LOXHD1: variants seen among roughly 807,000 people sequenced by gnomAD.
The protein encoded by LOXHD1 is lipoxygenase homology domain-containing protein 1.
A neutral mutation model predicts 248.2 loss-of-function variants in LOXHD1; 205 were observed. That is an observed-to-expected ratio of 0.83 (90% CI 0.74 to 0.93). LOXHD1 has a LOEUF of 0.93. LOXHD1 is among the 40% of genes least tolerant of loss of function. The probability of loss-of-function intolerance (pLI) is 0.00; values close to 1 mark genes in which losing one functional copy is unlikely to be tolerated. For synonymous variants in LOXHD1, 1,113 were observed against 1,162.8 expected (o/e 0.96, Z 0.87); for missense variants, 2,930 against 2,971.6 (o/e 0.99, Z 0.33).
intron 14 of LOXHD1, among the ~76,000 whole-genome samples, chr18:46,574,641 C>T (rs1055117972): frequency 6.6e-6 from 1 of 151,026 alleles, no homozygotes; most frequent in Non-Finnish European, 1.5e-5. Flanking sequence ...AAAATGCATG[C>T]ACTGTTAAGT....
intron 12 of LOXHD1, among the ~76,000 whole-genome samples, chr18:46,582,572 A>C (rs181775946): frequency 7.6e-4 from 116 of 152,368 alleles, no homozygotes; most frequent in Non-Finnish European, 1.2e-3. Flanking sequence ...GCAAAATGGC[A>C]AATGTCAATC....
In LOXHD1 at chr18:46,542,015, C is replaced by T. The variant is rs2036583290; in HGVS notation, c.3749-75G>A. On this transcript the variant is annotated intron_variant, in intron 24 of 40. Transcript: ENST00000642948. ...TTTCCTGTGGGTAACTTCAGGGACTCCTGACTTCCTTCCTTAGGTGGCTGG... is the reference window on the plus strand; with the variant it reads ...TTTCCTGTGGGTAACTTCAGGGACTTCTGACTTCCTTCCTTAGGTGGCTGG... 5 of 1,385,414 alleles carry T rather than the reference C, an allele frequency of 3.6e-6. No individual in the cohort carries two copies. The Admixed American group carries it at 1.0e-4, about 28-fold the overall frequency. 85.8% of individuals were successfully genotyped at this position (1,385,414 alleles called of 1,614,324 possible).
At chr18:46,506,539 T>G (rs1450429) in intron 36 of LOXHD1, among the ~76,000 whole-genome samples, 53,868 of 152,176 alleles carry the variant, frequency 0.35, 10,873 homozygotes, top group East Asian at 0.61. Flanking sequence ...GTGAAGCTTT[T>G]CTGACACACA....
At position 46,477,774 on chromosome 18, in the gene LOXHD1, C is replaced by T. The variant is rs775756430; in HGVS notation, c.6520G>A (p.Val2174Ile). 23 of 1,551,778 alleles carry T rather than the reference C, an allele frequency of 1.5e-5. No homozygotes were observed. The highest frequency in any genetic ancestry group is 4.1e-5 in the African/African-American group (3 of 73,068). Residue 2174 changes from valine (V) to isoleucine (I), a missense_variant, in exon 41 of 41, where the codon GTC (valine) becomes ATC (isoleucine). Coordinates refer to ENST00000642948, the MANE Select transcript of LOXHD1 (RefSeq NM_001384474.1). ...TTGGCCCCAAAGATGGTCACGAAGACGTTGGCATCAGTGCCTGCCCCTGGC... is the reference window on the plus strand; with the variant it reads ...TTGGCCCCAAAGATGGTCACGAAGATGTTGGCATCAGTGCCTGCCCCTGGC... ...YEPGAGTDAN[V>I]FVTIFGANGD...
At chr18:46,534,545 A>G in intron 26 of LOXHD1, 94 bp from the exon 27 acceptor site, 2 of 918,662 alleles carry the variant, frequency 2.2e-6, no homozygotes, top group South Asian at 2.8e-5. Context: ...ATCCACCCTG[A>G]GTCCCTTTGC....
At chr18:46,603,995 G>T in intron 7 of LOXHD1, 111 bp downstream of exon 7, 1 of 1,413,548 alleles carries the variant, frequency 7.1e-7, no homozygotes, top group Non-Finnish European at 9.6e-7. Flanking sequence ...GCTGTCTGCA[G>T]ACCCAGCTGG....
intron 28 of LOXHD1, among the ~76,000 whole-genome samples, chr18:46,532,090 C>T (rs1264936627): frequency 1.3e-5 from 2 of 152,142 alleles, no homozygotes; most frequent in Non-Finnish European, 2.9e-5. Context: ...CCATAAGGGG[C>T]CCAGAATTTT....
chr18:46,568,646 C>T (rs1379173122), intron 16 of LOXHD1, among the ~76,000 whole-genome samples: 2 of 152,138 alleles, frequency 1.3e-5, no homozygotes, highest in African/African-American at 4.8e-5. Flanking sequence ...CAGATGGGTT[C>T]CACAACCCAC....
chr18:46,634,656 A>G (rs1417706011), intron 4 of LOXHD1, among the ~76,000 whole-genome samples: 1 of 150,662 alleles, frequency 6.6e-6, no homozygotes, highest in Non-Finnish European at 1.5e-5. Flanking sequence ...AAATCTGGAG[A>G]AAAAAAAAAT....
intron 4 of LOXHD1, among the ~76,000 whole-genome samples, chr18:46,637,822 C>T (rs2038912314): frequency 6.6e-6 from 1 of 152,120 alleles, no homozygotes. Context: ...AAAGATACAC[C>T]CTATCTAGAG....
intron 15 of LOXHD1, 146 bp downstream of exon 15, chr18:46,571,940 C>A: frequency 1.5e-6 from 1 of 689,298 alleles, no homozygotes. Flanking sequence ...ACTCTCCAGA[C>A]ACTCCCTCGG....
chr18:46,489,234 C>T (rs1046691364), intron 37 of LOXHD1, 92 bp from the exon 38 acceptor site: 5 of 1,354,664 alleles, frequency 3.7e-6, no homozygotes, highest in South Asian at 1.3e-5. Flanking sequence ...GGCTGTGTGG[C>T]CCTGGACAAG....
At position 46,568,354 on chromosome 18, in the gene LOXHD1, G is replaced by A. The variant is rs112141524; in HGVS notation, c.2244+1088C>T. Among the ~76,000 whole-genome samples the A allele has an allele frequency of 1.5e-3, 228 of 152,294 alleles. 1 individual carries two copies. Among genetic ancestry groups the A allele is most frequent in the African/African-American group, 5.1e-3 (212 of 41,562 alleles). On this transcript the variant is annotated intron_variant, in intron 16 of 40. Transcript: ENST00000642948. ...CTGTGTTTCTCCAGGTGATGTCAAG[G>A]AAGATTCTCACCTTGGCCAAACTCT...
intron 13 of LOXHD1, 59 bp downstream of exon 13, chr18:46,579,571 G>T: frequency 6.5e-7 from 1 of 1,548,356 alleles, no homozygotes; most frequent in South Asian, 1.2e-5. Context: ...GGAAGACGAG[G>T]GAACATGGGA....
At chr18:46,575,385 A>G (rs542477455) in intron 14 of LOXHD1, among the ~76,000 whole-genome samples, 1 of 151,400 alleles carries the variant, frequency 6.6e-6, no homozygotes, top group African/African-American at 2.4e-5. Context: ...CCCCCACCCC[A>G]CCCCATTCAT....
intron 7 of LOXHD1, among the ~76,000 whole-genome samples, chr18:46,603,737 T>C (rs764853214): frequency 6.6e-6 from 1 of 152,184 alleles, no homozygotes; most frequent in East Asian, 1.9e-4. Flanking sequence ...AAGGACACCA[T>C]GTAGGTCAGG....
chr18:46,566,412 A>ATGCCAGTGCTGTCATGCC lies in LOXHD1; in HGVS notation c.2264_2281dup (p.Gly760_Met761insArgHisAspSerThrGly). Reference sequence around the variant, plus strand: ...GCTGCCCAGGAACCAGCTGGCATGCATGCCAGTGCTGTCATGCCCAATCAC... The same window carrying ATGCCAGTGCTGTCATGCC: ...GCTGCCCAGGAACCAGCTGGCATGCATGCCAGTGCTGTCATGCCTGCCAGTGCTGTCATGCCCAATCAC... On this transcript the variant is annotated inframe_insertion, in exon 17 of 41. Coordinates refer to ENST00000642948, the MANE Select transcript of LOXHD1 (RefSeq NM_001384474.1). The ATGCCAGTGCTGTCATGCC allele has an allele frequency of 2.6e-6, 4 of 1,551,202 alleles. No homozygotes were observed. Among genetic ancestry groups the ATGCCAGTGCTGTCATGCC allele is most frequent in the Non-Finnish European group, 2.6e-6 (3 of 1,147,006 alleles).
chr18:46,635,325 G>A (rs1472268343), intron 4 of LOXHD1, among the ~76,000 whole-genome samples: 1 of 152,178 alleles, frequency 6.6e-6, no homozygotes, highest in Non-Finnish European at 1.5e-5. Flanking sequence ...GCAGGAGGTT[G>A]TCCCAACTAA....
At chr18:46,564,252 G>A (rs1441127213) in intron 17 of LOXHD1, among the ~76,000 whole-genome samples, 1 of 152,154 alleles carries the variant, frequency 6.6e-6, no homozygotes, top group African/African-American at 2.4e-5. Flanking sequence ...CAGGCACGGT[G>A]GTTCAGGCCT....
Sources: allele counts gnomAD v4.1 joint callset (sites outside exome capture counted in the v4.1 genomes callset), GRCh38; gene constraint gnomAD v4.1.1; transcripts MANE v1.5; gene names NCBI Gene and HGNC (gene_info 2026-07-23, HGNC 2026-07-21).